MUSK: variants seen among roughly 807,000 people sequenced by gnomAD.
The protein encoded by MUSK is muscle, skeletal receptor tyrosine-protein kinase.
A neutral mutation model predicts 88.7 loss-of-function variants in MUSK; 55 were observed. The ratio of observed to expected loss-of-function variants is 0.62; its 90% CI spans 0.50 to 0.78. The LOEUF (loss-of-function observed/expected upper bound fraction) is 0.78. MUSK is among the 30% of genes least tolerant of loss of function. The pLI, the probability that MUSK is intolerant of heterozygous loss-of-function variation, is 0.00. For missense variants in MUSK, 1,015 were observed against 1,074.3 expected, an observed-to-expected ratio of 0.94 and a Z score of 0.77; for synonymous variants, 387 against 391.9, an observed-to-expected ratio of 0.99 and a Z score of 0.15.
chr9:110,733,389 T>C (rs537267759), intron 5 of MUSK, among the ~76,000 whole-genome samples: 6 of 152,106 alleles, frequency 3.9e-5, no homozygotes, highest in African/African-American at 1.2e-4. Context: ...CCAAGTTTAA[T>C]GATTCTGTGA....
chr9:110,758,303 T>C (rs953650548), intron 7 of MUSK, among the ~76,000 whole-genome samples: 2 of 152,174 alleles, frequency 1.3e-5, no homozygotes, highest in Non-Finnish European at 2.9e-5. Context: ...GTGCATCATT[T>C]CCAAATGAAT....
At chr9:110,701,914 A>C (rs1378781210) in intron 5 of MUSK, among the ~76,000 whole-genome samples, 1 of 122,870 alleles carries the variant, frequency 8.1e-6, no homozygotes, top group African/African-American at 3.0e-5. Context: ...ATTTTATTTT[A>C]TTTTATTTTA....
At chr9:110,678,511 A>C (rs201801441) in intron 1 of MUSK, among the ~76,000 whole-genome samples, 4 of 151,882 alleles carry the variant, frequency 2.6e-5, no homozygotes, top group Non-Finnish European at 5.9e-5. Flanking sequence ...TATCTGAAAA[A>C]CTTTGGGGCA....
intron 5 of MUSK, among the ~76,000 whole-genome samples, chr9:110,702,336 G>A (rs2076539826): frequency 6.6e-6 from 1 of 151,694 alleles, no homozygotes. Context: ...CCCTTAAAGG[G>A]GCAGGAGACA....
intron 1 of MUSK, among the ~76,000 whole-genome samples, chr9:110,675,135 G>T (rs1423128006): frequency 1.3e-5 from 2 of 151,286 alleles, no homozygotes; most frequent in African/African-American, 4.9e-5. Context: ...AGACACTGAG[G>T]TTAAGTGTGG....
chr9:110,681,547 G>A (rs1184475828), intron 1 of MUSK, among the ~76,000 whole-genome samples: 1 of 151,962 alleles, frequency 6.6e-6, no homozygotes, highest in East Asian at 1.9e-4. Context: ...GATAACATAA[G>A]GTTAAGGAAA....
Position 110,668,847 on chromosome 9 carries a change from A to G in MUSK, c.-58A>G. The G allele has an allele frequency of 2.2e-6, 3 of 1,334,104 alleles. No homozygotes were observed. Among genetic ancestry groups the G allele is most frequent in the South Asian group, 1.2e-5 (1 of 84,932 alleles). The allele number at this position is 1,334,104 out of a possible 1,614,324, so 82.6% of individuals were successfully genotyped here. On this transcript the variant is annotated 5_prime_UTR_variant, in exon 1 of 15. Transcript: ENST00000374448. Reference sequence around the variant, plus strand: ...GTATGCTTTAAAATGTAAACTGTGGAGCCATTTTCCTTGCGTTGTCCAGAA... The same window carrying G: ...GTATGCTTTAAAATGTAAACTGTGGGGCCATTTTCCTTGCGTTGTCCAGAA...
chr9:110,762,520 C>T (rs2077417132), intron 8 of MUSK, among the ~76,000 whole-genome samples: 1 of 151,872 alleles, frequency 6.6e-6, no homozygotes, highest in Non-Finnish European at 1.5e-5. Flanking sequence ...AATCTATCTT[C>T]AAGACATCCC....
chr9:110,750,979 G>T (rs1481009730), intron 7 of MUSK, among the ~76,000 whole-genome samples: 1 of 152,132 alleles, frequency 6.6e-6, no homozygotes, highest in Non-Finnish European at 1.5e-5. Flanking sequence ...GGAAGAGCAG[G>T]TGGTCAGGAA....
At position 110,804,805 on chromosome 9, in the gene MUSK, A is replaced by G. The variant is rs924087739; in HGVS notation, c.*3817A>G. On this transcript the variant is annotated 3_prime_UTR_variant, in exon 15 of 15. Transcript: ENST00000374448. Reference sequence around the variant, plus strand: ...ATAAAAATGAAAAAACACCAACCAGAGGTAATTAACATTAACATCATAATA... The same window carrying G: ...ATAAAAATGAAAAAACACCAACCAGGGGTAATTAACATTAACATCATAATA... Among the ~76,000 whole-genome samples the G allele has an allele frequency of 6.6e-6, 1 of 152,008 alleles. No individual in the cohort carries two copies. The highest frequency in any genetic ancestry group is 2.4e-5 in the African/African-American group (1 of 41,450).
chr9:110,704,761 G>A lies in MUSK; in HGVS notation c.628+7295G>A, dbSNP rs1002258378. On this transcript the variant is annotated intron_variant, in intron 5 of 14. Transcript: ENST00000374448. ...AGCACTTTGGGAGGCCGAGGTGGGC[G>A]AATCACGAGGTTAGGAGTTTGAGAC... 5.3e-5 allele frequency among the ~76,000 whole-genome samples: 8 copies of A among 151,882 alleles called. No individual in the cohort carries two copies. The East Asian group carries it at 9.7e-4, about 18-fold the overall frequency.
intron 9 of MUSK, chr9:110,775,344 G>C: frequency 4.8e-6 from 1 of 210,434 alleles, no homozygotes; most frequent in South Asian, 7.8e-5. Flanking sequence ...TGTGTTCCTC[G>C]AGCCCTACCC....
intron 3 of MUSK, among the ~76,000 whole-genome samples, chr9:110,693,555 T>C (rs1235612996): frequency 3.9e-5 from 6 of 152,238 alleles, no homozygotes; most frequent in Admixed American, 1.3e-4. Flanking sequence ...CCAGTTCTGA[T>C]TGGTCAGTAC....
intron 5 of MUSK, among the ~76,000 whole-genome samples, chr9:110,698,651 C>A (rs1339055508): frequency 6.6e-6 from 1 of 152,042 alleles, no homozygotes; most frequent in African/African-American, 2.4e-5. Context: ...TTTATTATGT[C>A]ATTGTACCAA....
At chr9:110,743,960 C>CTT (rs869252095) in intron 6 of MUSK, among the ~76,000 whole-genome samples, 3 of 144,026 alleles carry the variant, frequency 2.1e-5, no homozygotes, top group Non-Finnish European at 3.1e-5. Flanking sequence ...GGGCAACATC[C>CTT]TTTTTTTTTT....
At chr9:110,711,007 C>A (rs1169845323) in intron 5 of MUSK, among the ~76,000 whole-genome samples, 1 of 152,148 alleles carries the variant, frequency 6.6e-6, no homozygotes, top group African/African-American at 2.4e-5. Context: ...GGACAAAAAA[C>A]CAAACACCGC....
intron 5 of MUSK, chr9:110,705,967 G>T (rs2076593360): frequency 1.4e-5 from 5 of 370,002 alleles, no homozygotes; most frequent in South Asian, 8.5e-5. Context: ...TCATATTTTG[G>T]CATATCTGGG....
intron 3 of MUSK, among the ~76,000 whole-genome samples, chr9:110,688,276 T>G (rs2076223903): frequency 1.3e-5 from 2 of 152,050 alleles, no homozygotes. Context: ...CCTAAGAAAT[T>G]TTAACAGCCA....
intron 14 of MUSK, among the ~76,000 whole-genome samples, chr9:110,797,360 G>A (rs2078025383): frequency 6.6e-6 from 1 of 151,928 alleles, no homozygotes; most frequent in South Asian, 2.1e-4. Flanking sequence ...GAACTAGGGT[G>A]AAAAAGGGAG....
Sources: gnomAD v4.1 joint callset for allele counts (sites outside exome capture counted in the v4.1 genomes callset) on GRCh38, gnomAD v4.1.1 for gene constraint, MANE v1.5 for transcripts, NCBI Gene and HGNC (gene_info 2026-07-23, HGNC 2026-07-21) for gene names.